RASSF2: variants seen among roughly 807,000 people sequenced by gnomAD.
The protein encoded by RASSF2 is Ras association domain family member 2.
RASSF2 carries 34 observed loss-of-function variants against 46.3 expected under a neutral mutation model. The ratio of observed to expected loss-of-function variants is 0.73; its 90% CI spans 0.56 to 0.98. The LOEUF is 0.98. Ranked by LOEUF, RASSF2 falls within the 50% of genes least tolerant of loss-of-function variation. RASSF2 has a pLI of 0.00. For synonymous variants in RASSF2, 158 were observed against 162.5 expected (o/e 0.97, Z 0.21); for missense variants, 364 against 431.2 (o/e 0.84, Z 1.38).
intron 2 of RASSF2, among the ~76,000 whole-genome samples, chr20:4,808,566 A>G (rs1432013476): frequency 6.7e-6 from 1 of 149,484 alleles, no homozygotes; most frequent in South Asian, 2.1e-4. Context: ...AGGTCACTGC[A>G]GCCTTGACCT....
Position 4,784,218 on chromosome 20 carries a change from G to T in RASSF2, c.*55C>A. The T allele has an allele frequency of 6.6e-7, 1 of 1,517,522 alleles. No homozygotes were observed. Among genetic ancestry groups the T allele is most frequent in the South Asian group, 1.1e-5 (1 of 89,106 alleles). The allele number at this position is 1,517,522 out of a possible 1,614,324, so 94.0% of individuals were successfully genotyped here. A position where few individuals can be genotyped will look rare whatever the true frequency, so the allele number is the denominator to read the frequency against. On this transcript the variant is annotated 3_prime_UTR_variant, in exon 12 of 12. Coordinates refer to ENST00000379400, the MANE Select transcript of RASSF2 (RefSeq NM_014737.3). ...GAAAGAAAGTGCCTAGCTTCCTGGG[G>T]GTCTTATGGGCAATGGCGGTTCCTG...
chr20:4,803,820 A>G (rs1341436629), intron 2 of RASSF2, among the ~76,000 whole-genome samples: 2 of 151,732 alleles, frequency 1.3e-5, no homozygotes, highest in Non-Finnish European at 2.9e-5. Context: ...GCACTTCAGG[A>G]AGCCGAGGAG....
rs903249128 is a variant in RASSF2 at position 4,780,812 on chromosome 20, C to A, written c.*3461G>T. 2 of 151,932 alleles carry A rather than the reference C, an allele frequency of 1.3e-5. No homozygotes were observed. The highest frequency in any genetic ancestry group is 2.9e-5 in the Non-Finnish European group (2 of 67,988). 9.4% of individuals were successfully genotyped at this position (151,932 alleles called of 1,614,324 possible). A position where few individuals can be genotyped will look rare whatever the true frequency, so the allele number is the denominator to read the frequency against. On this transcript the variant is annotated 3_prime_UTR_variant, in exon 12 of 12. Coordinates refer to ENST00000379400, the MANE Select transcript of RASSF2 (RefSeq NM_014737.3). Reference sequence around the variant, plus strand: ...AAACCCCACCTCTACTAAAACCACACAAAAAAATTAGCCGGGCGTGGTGGC... The same window carrying A: ...AAACCCCACCTCTACTAAAACCACAAAAAAAAATTAGCCGGGCGTGGTGGC...
At chr20:4,799,367 C>T (rs1176849967) in intron 3 of RASSF2, among the ~76,000 whole-genome samples, 1 of 152,088 alleles carries the variant, frequency 6.6e-6, no homozygotes, top group Non-Finnish European at 1.5e-5. Flanking sequence ...TCTGAAAGTG[C>T]ATGTTTTGCA....
intron 9 of RASSF2, 65 bp from the exon 10 acceptor site, chr20:4,787,819 C>G: frequency 2.6e-6 from 4 of 1,546,368 alleles, no homozygotes; most frequent in Non-Finnish European, 3.5e-6. Flanking sequence ...GTGGTTAATG[C>G]AGGGGTCCAA....
Position 4,798,095 on chromosome 20 carries a change from A to G in RASSF2, c.60-10T>C. 2.5e-6 allele frequency: 4 copies of G among 1,612,990 alleles called. No individual in the cohort carries two copies. The highest frequency in any genetic ancestry group is 3.4e-6 in the Non-Finnish European group (4 of 1,179,336). On this transcript the variant is annotated splice_polypyrimidine_tract_variant and intron_variant, in intron 3 of 11. Coordinates refer to ENST00000379400, the MANE Select transcript of RASSF2 (RefSeq NM_014737.3). Reference sequence around the variant, plus strand: ...CAAGAGAAGTTCATTTCTTAGGGGGAAAAATAGAAGAGATATAACATTATC... The same window carrying G: ...CAAGAGAAGTTCATTTCTTAGGGGGGAAAATAGAAGAGATATAACATTATC...
intron 11 of RASSF2, among the ~76,000 whole-genome samples, chr20:4,785,772 A>G (rs1045837712): frequency 6.6e-6 from 1 of 152,020 alleles, no homozygotes; most frequent in East Asian, 1.9e-4. Context: ...GGACTGCACT[A>G]TCCCTTGAGG....
intron 2 of RASSF2, among the ~76,000 whole-genome samples, chr20:4,805,695 G>A (rs1341197701): frequency 1.3e-5 from 2 of 152,116 alleles, no homozygotes; most frequent in Non-Finnish European, 2.9e-5. Flanking sequence ...AGAGCATCCC[G>A]GGGACCAGTT....
chr20:4,792,489 G>C (rs769261399), intron 6 of RASSF2, 50 bp downstream of exon 6: 2 of 1,611,730 alleles, frequency 1.2e-6, no homozygotes, highest in Admixed American at 1.7e-5. Context: ...TATCACAGCG[G>C]TCTTCACACA....
chr20:4,787,490 T>C (rs55900827), intron 10 of RASSF2, 143 bp downstream of exon 10: 497,808 of 968,428 alleles, frequency 0.51, 131,325 homozygotes, highest in East Asian at 0.68. Context: ...CTGCAAAAGC[T>C]GGCTTCGAGA....
chr20:4,788,080 C>T, intron 9 of RASSF2, 137 bp downstream of exon 9: 1 of 840,380 alleles, frequency 1.2e-6, no homozygotes, highest in Non-Finnish European at 1.9e-6. Context: ...TACAGCAAGC[C>T]CATCAGCCTT....
At chr20:4,784,392 T>A in intron 11 of RASSF2, 50 bp from the exon 12 acceptor site, 1 of 1,566,484 alleles carries the variant, frequency 6.4e-7, no homozygotes, top group Non-Finnish European at 8.8e-7. Context: ...AACACACCCC[T>A]GCCCAGGACC....
Position 4,784,261 on chromosome 20 carries a change from C to T in RASSF2, c.*12G>A, listed in dbSNP as rs777275528. 42 of 1,611,500 alleles carry T rather than the reference C, an allele frequency of 2.6e-5. No homozygotes were observed. Among genetic ancestry groups the T allele is most frequent in the Non-Finnish European group, 3.3e-5 (39 of 1,177,770 alleles). On this transcript the variant is annotated 3_prime_UTR_variant, in exon 12 of 12. Transcript: ENST00000379400. ...GGTTCCTGGGGTGCCCAGATCCCCT[C>T]GTTCTCATGGCTCAGATTGTTGCTG...
intron 2 of RASSF2, among the ~76,000 whole-genome samples, chr20:4,821,971 T>TA (rs1928720481): frequency 6.6e-6 from 1 of 152,246 alleles, no homozygotes; most frequent in Admixed American, 6.5e-5. Flanking sequence ...CCTGGGACAC[T>TA]ATATTTGAAC....
Position 4,795,675 on chromosome 20 carries a change from A to C in RASSF2, c.287+140T>G. On this transcript the variant is annotated intron_variant, in intron 5 of 11. Transcript: ENST00000379400. This position sits in a 1 kb window ranked among gnomAD's most constrained non-coding sequence, Gnocchi z 4.0. ...GCTGCTTGTTCCTCATTCCAAGGCT[A>C]AGGCAGGTGGGCAGTAGAGGTAGTA... 9.6e-7 allele frequency: 1 copy of C among 1,045,080 alleles called. No homozygotes were observed. Among genetic ancestry groups the C allele is most frequent in the South Asian group, 1.7e-5 (1 of 59,626 alleles). The allele number at this position is 1,045,080 out of a possible 1,614,324, so 64.7% of individuals were successfully genotyped here.
intron 2 of RASSF2, among the ~76,000 whole-genome samples, chr20:4,810,991 C>T (rs990000341): frequency 1.3e-5 from 2 of 152,054 alleles, no homozygotes; most frequent in African/African-American, 4.8e-5. Context: ...GACGTCACAG[C>T]GATTCTGACT....
chr20:4,801,096 C>A (rs959462243), intron 2 of RASSF2, 34 bp from the exon 3 acceptor site: 4 of 1,562,872 alleles, frequency 2.6e-6, no homozygotes, highest in Admixed American at 1.7e-5. Flanking sequence ...AGGTTAAAGT[C>A]AAGTTGTGTG....
chr20:4,805,104 G>T (rs73588966), intron 2 of RASSF2, among the ~76,000 whole-genome samples: 4,089 of 152,230 alleles, frequency 0.027, 172 homozygotes, highest in African/African-American at 0.094. Context: ...GGCCATGTGA[G>T]TGTGGAGGAT....
In RASSF2 at chr20:4,787,648, C is replaced by T. The variant is rs1601084121; in HGVS notation, c.798G>A (p.Glu266=). ...GGGAACTCACGTCGTAGGTGACTTC[C>T]TCCACCTGGTCCTTCTCCATTAGGA... ...KVFLMEKDQV[E]EVTYDVAQYI... is the part of the protein sequence containing the mutation. The change falls in exon 10 of 12, where the codon GAG becomes GAA. Residue 266 remains glutamate, a synonymous_variant. Coordinates refer to ENST00000379400, the MANE Select transcript of RASSF2 (RefSeq NM_014737.3). 2 of 1,614,170 alleles carry T rather than the reference C, an allele frequency of 1.2e-6. No homozygotes were observed. The highest frequency in any genetic ancestry group is 1.7e-6 in the Non-Finnish European group (2 of 1,180,020).
Sources: allele counts gnomAD v4.1 joint callset (sites outside exome capture counted in the v4.1 genomes callset), GRCh38; gene constraint gnomAD v4.1.1; non-coding constraint Gnocchi (gnomAD v3.1); transcripts MANE v1.5; gene names NCBI Gene and HGNC (gene_info 2026-07-23, HGNC 2026-07-21).